DNAH11: variants seen among roughly 807,000 people sequenced by gnomAD.
DNAH11 encodes the protein axonemal beta dynein heavy chain 11.
A neutral mutation model predicts 526.0 loss-of-function variants in DNAH11; 442 were observed. The observed-to-expected ratio is 0.84, with a 90% CI of 0.78 to 0.91. The LOEUF (loss-of-function observed/expected upper bound fraction) is 0.91. Among genes scored for constraint, DNAH11 ranks in the 40% least tolerant of loss-of-function variants. DNAH11 has a pLI of 0.00. For synonymous variants in DNAH11, 2,461 were observed against 1,935.9 expected, an observed-to-expected ratio of 1.27 and a Z score of -7.12; for missense variants, 6,989 against 5,448.7, an observed-to-expected ratio of 1.28 and a Z score of -8.90.
rs144737605 is a variant in DNAH11 at position 21,655,323 on chromosome 7, T to C, written c.4945-509T>C. On this transcript the variant is annotated intron_variant, in intron 28 of 81. Coordinates refer to ENST00000409508, the MANE Select transcript of DNAH11 (RefSeq NM_001277115.2). ...TGAAAAGGGAGAAATCCTACTCATC[T>C]TTCTTATGTACCAAGGATACTGTGG... 8.5e-5 allele frequency among the ~76,000 whole-genome samples: 13 copies of C among 152,320 alleles called. No homozygotes were observed. The East Asian group carries it at 2.5e-3, about 29-fold the overall frequency.
In DNAH11 at chr7:21,615,904, TTAA is replaced by T. The variant is rs201866560; in HGVS notation, c.4012-300_4012-298del. The stretch of plus-strand genomic sequence containing the variant: ...ATGTAGAATTATAAAAGTCTGTTAT[TTAA>T]TAATCTACTTATCAATTTATTCAAA... On this transcript the variant is annotated intron_variant, in intron 21 of 81. Transcript: ENST00000409508. Among the ~76,000 whole-genome samples the T allele has an allele frequency of 1.1e-4, 16 of 152,324 alleles. No individual in the cohort carries two copies. The East Asian group carries it at 2.5e-3, about 24-fold the overall frequency.
At chr7:21,786,304 G>GTGTA (rs1788186735) in intron 58 of DNAH11, among the ~76,000 whole-genome samples, 2 of 147,970 alleles carry the variant, frequency 1.4e-5, no homozygotes, top group African/African-American at 5.2e-5. Flanking sequence ...ATATACACAT[G>GTGTA]TGTGTGTGTG....
chr7:21,725,891 C>G lies in DNAH11; in HGVS notation c.7347C>G (p.Ile2449Met), dbSNP rs1209206974. ...KAVKFPSQGTIFDYYVDHKTK... is the reference protein window; with the variant it reads ...KAVKFPSQGTMFDYYVDHKTK... ...TGAAATTTCCGTCGCAGGGAACAAT[C>G]TTTGATTATTATGTGGACCACAAAA... Residue 2449 changes from isoleucine to methionine, a missense_variant, in exon 45 of 82, where the codon ATC becomes ATG. Coordinates refer to ENST00000409508, the MANE Select transcript of DNAH11 (RefSeq NM_001277115.2). The G allele has an allele frequency of 1.9e-6, 3 of 1,603,810 alleles. No individual in the cohort carries two copies. The highest frequency in any genetic ancestry group is 2.6e-6 in the Non-Finnish European group (3 of 1,174,866).
chr7:21,575,963 T>C (rs958165398), intron 8 of DNAH11, among the ~76,000 whole-genome samples: 2 of 152,186 alleles, frequency 1.3e-5, no homozygotes, highest in African/African-American at 4.8e-5. Context: ...TTAGTAGATA[T>C]CATTGTTTAA....
intron 14 of DNAH11, among the ~76,000 whole-genome samples, chr7:21,595,741 A>C (rs1784836758): frequency 1.3e-5 from 2 of 152,038 alleles, no homozygotes; most frequent in African/African-American, 4.8e-5. Flanking sequence ...AACTGAAAAC[A>C]CAAATGAAGG....
chr7:21,587,943 A>G (rs1784532074), intron 9 of DNAH11, 121 bp from the exon 10 acceptor site: 1 of 903,356 alleles, frequency 1.1e-6, no homozygotes, highest in Non-Finnish European at 1.6e-6. Context: ...TTGAAGCATC[A>G]CAGGATGCTT....
At chr7:21,813,644 T>G (rs556317919) in intron 63 of DNAH11, among the ~76,000 whole-genome samples, 1 of 152,364 alleles carries the variant, frequency 6.6e-6, no homozygotes, top group South Asian at 2.1e-4. Context: ...TCGTGGCGTG[T>G]GCTTCCAGCC....
At chr7:21,617,827 T>G in intron 23 of DNAH11, 50 bp downstream of exon 23, 1 of 1,487,918 alleles carries the variant, frequency 6.7e-7, no homozygotes, top group East Asian at 2.3e-5. Flanking sequence ...TGTGAAGTGT[T>G]ACTTCTTGGT....
rs192038838 is a variant in DNAH11, at chr7:21,593,896, C to A, written c.2667+2319C>A. The stretch of plus-strand genomic sequence containing the variant: ...CCCCCTCCCCTGCCCCTGCTCCCCC[C>A]AGACACAAAATCTCTCTCTCTCTAA... On this transcript the variant is annotated intron_variant, in intron 14 of 81. Transcript: ENST00000409508. Among the ~76,000 whole-genome samples, 3 of 152,028 alleles carry A rather than the reference C, an allele frequency of 2.0e-5. No homozygotes were observed. In the East Asian group the frequency reaches 5.8e-4, roughly 29 times the overall value.
intron 65 of DNAH11, among the ~76,000 whole-genome samples, chr7:21,821,593 A>T (rs13227947): frequency 0.48 from 72,766 of 151,906 alleles, 18,573 homozygotes; most frequent in Non-Finnish European, 0.58. Context: ...GCTACGTCAT[A>T]GTTGTACATA....
chr7:21,803,921 G>C (rs1298009855), intron 62 of DNAH11, among the ~76,000 whole-genome samples: 1 of 152,146 alleles, frequency 6.6e-6, no homozygotes, highest in African/African-American at 2.4e-5. Flanking sequence ...GTCTGGAAAA[G>C]TGGGGAATGG....
rs779051868 is a variant in DNAH11, at chr7:21,738,732, T to C, written c.7677T>C (p.Ala2559=). ...KILEKPLEKK[A]GHNYGPGGNK... ...TTGAGAAACCCCTAGAGAAAAAAGC[T>C]GGTCATAACTATGGTCCTGGAGGAA... Residue 2559 remains alanine, a synonymous_variant, in exon 47 of 82, where the codon GCT becomes GCC. Coordinates refer to ENST00000409508, the MANE Select transcript of DNAH11 (RefSeq NM_001277115.2). 6 of 1,581,706 alleles carry C rather than the reference T, an allele frequency of 3.8e-6. No homozygotes were observed. In the Admixed American group the frequency reaches 5.4e-5, roughly 14 times the overall value.
Position 21,559,727 on chromosome 7 carries a change from T to A in DNAH11, c.817T>A (p.Ser273Thr), listed in dbSNP as rs368459116. 1.9e-6 allele frequency: 3 copies of A among 1,609,374 alleles called. No homozygotes were observed. The highest frequency in any genetic ancestry group is 1.7e-6 in the Non-Finnish European group (2 of 1,177,630). The change falls in exon 4 of 82, where the codon TCT (serine) becomes ACT (threonine). Residue 273 changes from serine (S) to threonine (T), a missense_variant. Physicochemically the swap from Ser to Thr is moderately conservative, Grantham distance 58. Transcript: ENST00000409508. ...GCGTTTGTTGAATGGTCTTCACTTG[T>A]CTCCTCAAGCAGAACTAGATTTCTG... ...VQRLLNGLHL[S>T]PQAELDFWMM...
intron 74 of DNAH11, among the ~76,000 whole-genome samples, chr7:21,878,127 A>G (rs1783788771): frequency 6.6e-6 from 1 of 152,224 alleles, no homozygotes; most frequent in African/African-American, 2.4e-5. Context: ...TATTTTTTAA[A>G]TATTTCCTTA....
chr7:21,690,839 C>A lies in DNAH11; in HGVS notation c.5999C>A (p.Ala2000Asp). Residue 2000 changes from alanine (A) to aspartate (D), a missense_variant, in exon 35 of 82, where the codon GCT (alanine) becomes GAT (aspartate). By Grantham distance (126) the Ala-to-Asp change is moderately radical. Coordinates refer to ENST00000409508, the MANE Select transcript of DNAH11 (RefSeq NM_001277115.2). ...TTTATTACTATGAACCCGGGTTATGCTGGTCGAACCGAATTACCGGAAAAT... is the reference window on the plus strand; with the variant it reads ...TTTATTACTATGAACCCGGGTTATGATGGTCGAACCGAATTACCGGAAAAT... ...GIFITMNPGY[A>D]GRTELPENLK... 3 of 1,612,768 alleles carry A rather than the reference C, an allele frequency of 1.9e-6. No individual in the cohort carries two copies. Among genetic ancestry groups the A allele is most frequent in the Non-Finnish European group, 2.5e-6 (3 of 1,179,460 alleles).
chr7:21,704,772 C>G, intron 38 of DNAH11, 144 bp downstream of exon 38: 2 of 893,302 alleles, frequency 2.2e-6, no homozygotes, highest in Non-Finnish European at 3.2e-6. Flanking sequence ...TTTCATATGG[C>G]AGGATTAAGT....
intron 73 of DNAH11, among the ~76,000 whole-genome samples, chr7:21,871,690 G>A (rs1202500159): frequency 1.3e-5 from 2 of 152,212 alleles, no homozygotes; most frequent in Non-Finnish European, 2.9e-5. Context: ...GCATGTAAAG[G>A]AGGGAACTTA....
At chr7:21,833,928 C>T (rs1194352592) in intron 65 of DNAH11, among the ~76,000 whole-genome samples, 1 of 152,096 alleles carries the variant, frequency 6.6e-6, no homozygotes, top group African/African-American at 2.4e-5. Flanking sequence ...ACCTTACTTT[C>T]AGCAATGGAC....
intron 6 of DNAH11, among the ~76,000 whole-genome samples, chr7:21,568,282 T>C (rs1219768014): frequency 6.6e-6 from 1 of 152,080 alleles, no homozygotes; most frequent in Non-Finnish European, 1.5e-5. Flanking sequence ...GCTGGTACCA[T>C]TGAGTGTGCG....
Sources: gnomAD v4.1 joint callset for allele counts (sites outside exome capture counted in the v4.1 genomes callset) on GRCh38, gnomAD v4.1.1 for gene constraint, MANE v1.5 for transcripts, NCBI Gene and HGNC (gene_info 2026-07-23, HGNC 2026-07-21) for gene names.